The following SHISA9 variants were observed in gnomAD, a reference collection of about 807,000 sequenced individuals.
SHISA9 encodes the protein protein shisa-9.
Under a neutral mutation model 38.0 loss-of-function variants are expected in SHISA9, and 13 were observed. That is an observed-to-expected ratio of 0.34 (90% CI 0.22 to 0.54). SHISA9 has a LOEUF of 0.54. SHISA9 is among the 20% of genes least tolerant of loss of function. The probability of loss-of-function intolerance (pLI) is 0.91; values close to 1 mark genes in which losing one functional copy is unlikely to be tolerated. For missense variants in SHISA9, 538 were observed against 575.8 expected, an observed-to-expected ratio of 0.93 and a Z score of 0.67; for synonymous variants, 275 against 242.0, an observed-to-expected ratio of 1.14 and a Z score of -1.27.
At chr16:12,938,614 C>T (rs184253961) in intron 2 of SHISA9, among the ~76,000 whole-genome samples, 5 of 152,034 alleles carry the variant, frequency 3.3e-5, no homozygotes, top group Non-Finnish European at 5.9e-5. Flanking sequence ...TCTCCTGTCT[C>T]GGCCTCCTGA....
rs910568117 is a variant in SHISA9, at chr16:13,197,302, A to G, written c.692-6092A>G. Among the ~76,000 whole-genome samples the G allele has an allele frequency of 5.9e-5, 9 of 152,238 alleles. No homozygotes were observed. The East Asian group carries it at 1.5e-3, about 26-fold the overall frequency. Reference sequence around the variant, plus strand: ...CCTTGGGATATGCTTTGAAGGAGTCATTATGTTGTCTTTCCTTTAAGATGA... The same window carrying G: ...CCTTGGGATATGCTTTGAAGGAGTCGTTATGTTGTCTTTCCTTTAAGATGA... On this transcript the variant is annotated intron_variant, in intron 2 of 4. Transcript: ENST00000558583.
intron 2 of SHISA9, among the ~76,000 whole-genome samples, chr16:12,992,389 G>T (rs970919457): frequency 6.8e-6 from 1 of 146,994 alleles, no homozygotes; most frequent in Non-Finnish European, 1.5e-5. Flanking sequence ...AAAGTAAACC[G>T]GGTGTGGTGG....
chr16:13,267,768 C>T, the SHISA9 span, among the ~76,000 whole-genome samples: 1 of 151,976 alleles, frequency 6.6e-6, no homozygotes, highest in African/African-American at 2.4e-5. Context: ...GGGAATAGTG[C>T]TTACATTTCT....
chr16:13,532,321 AG>A, the SHISA9 span, among the ~76,000 whole-genome samples: 1 of 152,120 alleles, frequency 6.6e-6, no homozygotes, highest in Admixed American at 6.5e-5. Context: ...CCTTGGAAGG[AG>A]GGGGATACAG....
At chr16:13,547,947 A>G in the SHISA9 span, among the ~76,000 whole-genome samples, 1 of 152,210 alleles carries the variant, frequency 6.6e-6, no homozygotes, top group African/African-American at 2.4e-5. Flanking sequence ...GTGGCATCAC[A>G]CTACCTGACT....
chr16:13,446,795 G>C, the SHISA9 span, among the ~76,000 whole-genome samples: 1 of 152,116 alleles, frequency 6.6e-6, no homozygotes, highest in South Asian at 2.1e-4. Context: ...TGGCCAACAT[G>C]ATGAAACCCT....
the SHISA9 span, among the ~76,000 whole-genome samples, chr16:13,466,558 AGTTGTT>A: frequency 6.6e-6 from 1 of 152,120 alleles, no homozygotes; most frequent in African/African-American, 2.4e-5. Context: ...CAGAATGGGT[AGTTGTT>A]GTTGTTGTTG....
the SHISA9 span, among the ~76,000 whole-genome samples, chr16:13,366,868 A>G: frequency 1.3e-5 from 2 of 151,588 alleles, no homozygotes; most frequent in African/African-American, 4.8e-5. Context: ...CTGTAATCCT[A>G]GCTACTCAGG....
intron 3 of SHISA9, among the ~76,000 whole-genome samples, chr16:13,208,969 T>G (rs892786048): frequency 6.6e-6 from 1 of 152,172 alleles, no homozygotes; most frequent in African/African-American, 2.4e-5. Flanking sequence ...TAGCAGAATA[T>G]AGCACAGCCT....
intron 2 of SHISA9, among the ~76,000 whole-genome samples, chr16:13,094,877 T>C (rs528230676): frequency 4.6e-4 from 70 of 152,336 alleles, no homozygotes; most frequent in African/African-American, 1.6e-3. Context: ...TGTTTTCAAA[T>C]AGAGACAGTA....
chr16:12,996,332 T>A (rs1215523798), intron 2 of SHISA9, among the ~76,000 whole-genome samples: 2 of 151,978 alleles, frequency 1.3e-5, no homozygotes, highest in Non-Finnish European at 2.9e-5. Context: ...GCCAAGCCCA[T>A]TTTCCCACGT....
chr16:13,326,969 A>T, the SHISA9 span, among the ~76,000 whole-genome samples: 1 of 152,096 alleles, frequency 6.6e-6, no homozygotes, highest in Admixed American at 6.6e-5. Flanking sequence ...CCTGAAAACA[A>T]CCTCCTCAAC....
chr16:13,373,747 C>G, the SHISA9 span, among the ~76,000 whole-genome samples: 1 of 125,000 alleles, frequency 8.0e-6, no homozygotes, highest in Non-Finnish European at 1.6e-5. Flanking sequence ...GGAGACAGAG[C>G]GAGACTCCGT....
chr16:13,283,469 C>T, the SHISA9 span, among the ~76,000 whole-genome samples: 5 of 152,000 alleles, frequency 3.3e-5, no homozygotes, highest in Admixed American at 1.3e-4. Context: ...GCCTCACAAT[C>T]GTAGTGGAAG....
the SHISA9 span, among the ~76,000 whole-genome samples, chr16:13,289,308 C>A: frequency 8.7e-5 from 11 of 126,418 alleles, 1 homozygote; most frequent in South Asian, 2.7e-3. Flanking sequence ...TAAGGGTGGG[C>A]AAGTGACCTA....
intron 4 of SHISA9, among the ~76,000 whole-genome samples, chr16:13,219,937 G>A (rs1375006075): frequency 3.3e-5 from 5 of 152,196 alleles, no homozygotes; most frequent in Admixed American, 3.3e-4. Context: ...CAGCCTGGGT[G>A]ACAGAGTGAG....
At chr16:13,413,231 A>G in the SHISA9 span, among the ~76,000 whole-genome samples, 4,095 of 152,364 alleles carry the variant, frequency 0.027, 73 homozygotes, top group Non-Finnish European at 0.044. Flanking sequence ...GAAAAATTCT[A>G]TGATCAAATA....
At chr16:13,552,715 A>G in the SHISA9 span, among the ~76,000 whole-genome samples, 2 of 151,776 alleles carry the variant, frequency 1.3e-5, no homozygotes, top group African/African-American at 4.8e-5. Flanking sequence ...GAATAATGAG[A>G]TTTTTTTTAA....
chr16:13,187,328 CTTTTTTTT>C (rs372286181), intron 2 of SHISA9, among the ~76,000 whole-genome samples: 3 of 90,684 alleles, frequency 3.3e-5, no homozygotes, highest in Non-Finnish European at 4.4e-5. Context: ...CTTTTCTTTT[CTTTTTTTT>C]TTTTTTTTTT....
Sources: gnomAD v4.1 joint callset for allele counts (sites outside exome capture counted in the v4.1 genomes callset) on GRCh38, gnomAD v4.1.1 for gene constraint, MANE v1.5 for transcripts, NCBI Gene and HGNC (gene_info 2026-07-23, HGNC 2026-07-21) for gene names.